SLIT3: variants seen among roughly 807,000 people sequenced by gnomAD.
SLIT3 encodes slit homolog 3 protein.
In SLIT3, 68 loss-of-function variants were observed where a neutral mutation model predicts 184.0. That is an observed-to-expected ratio of 0.37 (90% CI 0.30 to 0.45). The LOEUF (loss-of-function observed/expected upper bound fraction) is 0.45. Ranked by LOEUF, SLIT3 falls within the 20% of genes least tolerant of loss-of-function variation. The probability of loss-of-function intolerance (pLI) is 1.00; values close to 1 mark genes in which losing one functional copy is unlikely to be tolerated. For synonymous variants in SLIT3, 831 were observed against 828.6 expected, an observed-to-expected ratio of 1.00 and a Z score of -0.05; for missense variants, 1,707 against 2,026.0, an observed-to-expected ratio of 0.84 and a Z score of 3.02.
intron 1 of SLIT3, among the ~76,000 whole-genome samples, chr5:169,261,372 G>A (rs1395742550): frequency 6.6e-6 from 1 of 152,186 alleles, no homozygotes; most frequent in Non-Finnish European, 1.5e-5. Context: ...ATTGCCTCAG[G>A]ATAACTGCCA....
chr5:168,907,963 TATATATATATATATATAGAGAGAG>T (rs1761124596), intron 4 of SLIT3, among the ~76,000 whole-genome samples: 24 of 79,478 alleles, frequency 3.0e-4, no homozygotes, highest in Non-Finnish European at 5.5e-4. Flanking sequence ...TATATATATA[TATATATATATATATATAGAGAGAG>T]AGAGAGAGAG....
At chr5:168,867,200 G>A (rs938032339) in intron 5 of SLIT3, among the ~76,000 whole-genome samples, 1 of 152,152 alleles carries the variant, frequency 6.6e-6, no homozygotes, top group African/African-American at 2.4e-5. Flanking sequence ...AACATTGCAC[G>A]TGGCTACAAT....
At chr5:169,194,978 C>T (rs1763692238) in intron 3 of SLIT3, among the ~76,000 whole-genome samples, 2 of 152,258 alleles carry the variant, frequency 1.3e-5, no homozygotes, top group Non-Finnish European at 2.9e-5. Flanking sequence ...AGGAAGCCAC[C>T]CAAACCATGA....
At chr5:168,841,262 G>T (rs1758237133) in intron 6 of SLIT3, among the ~76,000 whole-genome samples, 1 of 152,300 alleles carries the variant, frequency 6.6e-6, no homozygotes, top group African/African-American at 2.4e-5. Context: ...TACTTTTTTT[G>T]TAAAAGCAGG....
intron 5 of SLIT3, among the ~76,000 whole-genome samples, chr5:168,870,147 G>A (rs531785978): frequency 1.4e-4 from 21 of 152,304 alleles, no homozygotes; most frequent in African/African-American, 2.9e-4. Context: ...GAAAACCACC[G>A]TCCTGCACTC....
intron 5 of SLIT3, among the ~76,000 whole-genome samples, chr5:168,854,240 C>T (rs1325746289): frequency 6.6e-6 from 1 of 151,666 alleles, no homozygotes; most frequent in Non-Finnish European, 1.5e-5. Context: ...GTTATTGTAG[C>T]CTGGGAAGAG....
intron 5 of SLIT3, among the ~76,000 whole-genome samples, chr5:168,852,550 C>G (rs1487633419): frequency 6.6e-6 from 1 of 152,234 alleles, no homozygotes; most frequent in Non-Finnish European, 1.5e-5. Context: ...TCGGCACATC[C>G]TGGGGAGTGC....
chr5:168,938,268 G>A (rs1762222582), intron 4 of SLIT3, among the ~76,000 whole-genome samples: 1 of 152,190 alleles, frequency 6.6e-6, no homozygotes, highest in African/African-American at 2.4e-5. Context: ...AATCCTGCCA[G>A]CATTTAGGTG....
intron 20 of SLIT3, among the ~76,000 whole-genome samples, chr5:168,728,915 C>T (rs1375031116): frequency 6.8e-6 from 1 of 147,290 alleles, no homozygotes; most frequent in African/African-American, 2.5e-5. Context: ...TAGACTCTGT[C>T]TCAAAAAAAA....
chr5:169,249,462 A>C (rs980459322), intron 2 of SLIT3, among the ~76,000 whole-genome samples: 1 of 152,234 alleles, frequency 6.6e-6, no homozygotes, highest in Non-Finnish European at 1.5e-5. Flanking sequence ...TGCAGAAAGC[A>C]GATATGAAAA....
intron 4 of SLIT3, among the ~76,000 whole-genome samples, chr5:168,886,233 T>G (rs1214051868): frequency 6.6e-6 from 1 of 152,246 alleles, no homozygotes; most frequent in Non-Finnish European, 1.5e-5. Flanking sequence ...CAGGACTGTA[T>G]ATTGATTTCA....
At chr5:168,883,170 C>T in intron 5 of SLIT3, 95 bp downstream of exon 5, 2 of 963,062 alleles carry the variant, frequency 2.1e-6, no homozygotes, top group Non-Finnish European at 3.3e-6. Context: ...TCTGAAGGCA[C>T]CTGGACCACC....
intron 14 of SLIT3, chr5:168,768,089 G>T: frequency 2.4e-6 from 1 of 417,476 alleles, no homozygotes. Flanking sequence ...GTGGGCTGCG[G>T]TGCTCCAGAG....
chr5:168,827,555 C>T (rs1454074616), intron 6 of SLIT3, among the ~76,000 whole-genome samples: 1 of 152,180 alleles, frequency 6.6e-6, no homozygotes, highest in Admixed American at 6.5e-5. Flanking sequence ...TTACAAGGCC[C>T]CTCGTGATTA....
intron 3 of SLIT3, among the ~76,000 whole-genome samples, chr5:169,198,615 G>A (rs1453046140): frequency 6.6e-6 from 1 of 152,114 alleles, no homozygotes; most frequent in South Asian, 2.1e-4. Flanking sequence ...TTGAGCAAGG[G>A]AGTGATAATC....
chr5:169,248,384 C>T (rs958838414), intron 2 of SLIT3, among the ~76,000 whole-genome samples: 1 of 152,154 alleles, frequency 6.6e-6, no homozygotes, highest in African/African-American at 2.4e-5. Context: ...CAATCAGAGG[C>T]TCAACAAATC....
chr5:169,282,654 G>A (rs77601191), intron 1 of SLIT3, among the ~76,000 whole-genome samples: 2 of 152,232 alleles, frequency 1.3e-5, no homozygotes, highest in East Asian at 3.9e-4. Context: ...TTGCATCGTG[G>A]TTGTCATGCA....
chr5:169,062,133 G>A (rs965493356), intron 4 of SLIT3, among the ~76,000 whole-genome samples: 2 of 152,052 alleles, frequency 1.3e-5, no homozygotes, highest in African/African-American at 2.4e-5. Flanking sequence ...GCAGTGAGCC[G>A]AGATCACGCC....
chr5:168,933,455 T>C (rs971395351), intron 4 of SLIT3, among the ~76,000 whole-genome samples: 5 of 151,950 alleles, frequency 3.3e-5, no homozygotes, highest in Admixed American at 2.0e-4. Context: ...GACAGGGGAA[T>C]TGCTTGAACC....
Sources: gnomAD v4.1 joint callset for allele counts (sites outside exome capture counted in the v4.1 genomes callset) on GRCh38, gnomAD v4.1.1 for gene constraint, MANE v1.5 for transcripts, NCBI Gene and HGNC (gene_info 2026-07-23, HGNC 2026-07-21) for gene names.